ELMOD3: variants seen among roughly 807,000 people sequenced by gnomAD.
ELMOD3 encodes the protein ELMO domain containing 3.
In ELMOD3, 36 loss-of-function variants were observed where a neutral mutation model predicts 47.4. The observed-to-expected ratio is 0.76, with a 90% CI of 0.58 to 1.00. The LOEUF (loss-of-function observed/expected upper bound fraction) is 1.00, where lower values mean the gene tolerates loss of function less well. ELMOD3 is among the 50% of genes least tolerant of loss of function. ELMOD3 has a pLI of 0.00. For missense variants in ELMOD3, 404 were observed against 463.8 expected (o/e 0.87, Z 1.18); for synonymous variants, 149 against 183.5 (o/e 0.81, Z 1.52).
At chr2:85,386,956 C>G in intron 11 of ELMOD3, 1 of 1,007,718 alleles carries the variant, frequency 9.9e-7, no homozygotes, top group Non-Finnish European at 1.3e-6. Context: ...GAGCCGAGAT[C>G]GTGCCATTGC....
At chr2:85,371,261 G>C in intron 9 of ELMOD3, 52 bp downstream of exon 9, 1 of 1,614,008 alleles carries the variant, frequency 6.2e-7, no homozygotes, top group South Asian at 1.1e-5. Flanking sequence ...GGTTGGGCAA[G>C]ACCGTGTGTG....
intron 6 of ELMOD3, among the ~76,000 whole-genome samples, chr2:85,363,900 T>C (rs1558695548): frequency 1.3e-5 from 2 of 152,128 alleles, no homozygotes; most frequent in African/African-American, 4.8e-5. Flanking sequence ...ACATGGGAAT[T>C]ATGGGACTTA....
intron 10 of ELMOD3, chr2:85,371,764 T>C: frequency 1.6e-6 from 1 of 612,932 alleles, no homozygotes; most frequent in South Asian, 2.0e-5. Flanking sequence ...TCGGGCGTGG[T>C]GGCTCACGCC....
intron 11 of ELMOD3, among the ~76,000 whole-genome samples, chr2:85,387,619 G>A (rs1340270566): frequency 1.5e-5 from 2 of 137,720 alleles, no homozygotes; most frequent in South Asian, 2.2e-4. Context: ...CCGAGATCAC[G>A]CCACTGCCCT....
intron 11 of ELMOD3, chr2:85,389,457 G>A (rs1686167547): frequency 6.5e-6 from 3 of 460,738 alleles, no homozygotes; most frequent in East Asian, 8.5e-5. Context: ...GACGGGTCAG[G>A]ATGATGAAGA....
rs187562235 is a variant in ELMOD3, at chr2:85,377,750, A to G, written c.738+276A>G. 2.1e-3 allele frequency among the ~76,000 whole-genome samples: 323 copies of G among 152,370 alleles called. 2 individuals carry two copies. Among genetic ancestry groups the G allele is most frequent in the African/African-American group, 7.5e-3 (311 of 41,594 alleles). On this transcript the variant is annotated intron_variant, in intron 11 of 13. Transcript: ENST00000409013. ...TGCCGTAAAGAAATAGCACTTGAAC[A>G]TAAATTTAATTTCTTCAGCAAGGAT...
chr2:85,368,453 A>C (rs1684557897), intron 6 of ELMOD3: 2 of 511,154 alleles, frequency 3.9e-6, no homozygotes, highest in Non-Finnish European at 7.1e-6. Flanking sequence ...CAGGTGGCCT[A>C]AGGAAGGGAA....
intron 12 of ELMOD3, 97 bp from the exon 13 acceptor site, chr2:85,390,041 C>T (rs1686211396): frequency 1.5e-6 from 2 of 1,319,386 alleles, no homozygotes; most frequent in Admixed American, 3.4e-5. Context: ...TGGGTTTGGG[C>T]TGGCTCCCCT....
At chr2:85,387,747 C>T (rs970711892) in intron 11 of ELMOD3, among the ~76,000 whole-genome samples, 9 of 151,620 alleles carry the variant, frequency 5.9e-5, no homozygotes, top group South Asian at 2.1e-4. Context: ...GTGGCACTAG[C>T]GCTGGATTTC....
intron 6 of ELMOD3, among the ~76,000 whole-genome samples, chr2:85,366,124 A>ATTTTTTTT (rs566714087): frequency 3.7e-5 from 5 of 135,610 alleles, no homozygotes; most frequent in Non-Finnish European, 3.2e-5. Context: ...TACCCAGCTA[A>ATTTTTTTT]TTTTTTTTTT....
Position 85,390,244 on chromosome 2 carries a change from G to C in ELMOD3, c.922G>C (p.Asp308His), listed in dbSNP as rs754957701. 3 of 1,614,076 alleles carry C rather than the reference G, an allele frequency of 1.9e-6. No individual in the cohort carries two copies. The highest frequency in any genetic ancestry group is 1.7e-6 in the Non-Finnish European group (2 of 1,180,054). ...VWRTQRKTIS[D>H]SGFVLKELEV... ...GAGGACACAGCGGAAGACCATCTCA[G>C]ACTCGGGCTTTGTCCTCAAAGGTGT... The change falls in exon 13 of 14, where the codon GAC (aspartate) becomes CAC (histidine). Residue 308 changes from aspartate (D) to histidine (H), a missense_variant. Transcript: ENST00000409013.
chr2:85,385,139 G>A (rs983027732), intron 11 of ELMOD3, among the ~76,000 whole-genome samples: 3 of 152,128 alleles, frequency 2.0e-5, no homozygotes, highest in Non-Finnish European at 4.4e-5. Context: ...GCTGATATCT[G>A]GGAGAAGAAC....
chr2:85,384,325 A>G (rs1337119448), intron 11 of ELMOD3, among the ~76,000 whole-genome samples: 1 of 152,228 alleles, frequency 6.6e-6, no homozygotes, highest in Non-Finnish European at 1.5e-5. Context: ...CAAAAGTAGC[A>G]AGCACAGCTG....
intron 4 of ELMOD3, 102 bp downstream of exon 4, chr2:85,357,354 C>G (rs1324514200): frequency 1.4e-6 from 1 of 716,596 alleles, no homozygotes; most frequent in Non-Finnish European, 2.3e-6. Flanking sequence ...ATTTAGAAAC[C>G]CTCATTATAG....
chr2:85,378,392 T>C (rs968283489), intron 11 of ELMOD3, among the ~76,000 whole-genome samples: 2 of 152,232 alleles, frequency 1.3e-5, no homozygotes, highest in Non-Finnish European at 2.9e-5. Context: ...CCTGATGATA[T>C]GTGCCCAAGA....
intron 10 of ELMOD3, among the ~76,000 whole-genome samples, chr2:85,374,114 T>C (rs1684999848): frequency 6.6e-6 from 1 of 152,116 alleles, no homozygotes; most frequent in South Asian, 2.1e-4. Context: ...TGCTACTTCC[T>C]TCTGGCCTGC....
chr2:85,373,919 C>CTTTT (rs769671833), intron 10 of ELMOD3, among the ~76,000 whole-genome samples: 21 of 124,570 alleles, frequency 1.7e-4, no homozygotes, highest in Admixed American at 9.9e-4. Context: ...TCCTAACCCT[C>CTTTT]TTTTTTTTTT....
intron 10 of ELMOD3, 96 bp downstream of exon 10, chr2:85,371,658 A>G (rs1240193668): frequency 9.1e-6 from 14 of 1,542,800 alleles, no homozygotes; most frequent in Non-Finnish European, 8.8e-7. Context: ...TATGAGGGGG[A>G]AGATCTTGGG....
chr2:85,361,757 G>A (rs1159601604), intron 4 of ELMOD3, among the ~76,000 whole-genome samples: 4 of 152,028 alleles, frequency 2.6e-5, no homozygotes, highest in East Asian at 1.9e-4. Flanking sequence ...GTGAAACCCC[G>A]TCTCTACTAA....
Sources: gnomAD v4.1 joint callset for allele counts (sites outside exome capture counted in the v4.1 genomes callset) on GRCh38, gnomAD v4.1.1 for gene constraint, MANE v1.5 for transcripts, NCBI Gene and HGNC (gene_info 2026-07-23, HGNC 2026-07-21) for gene names.